The following FNBP1L variants were observed in gnomAD, a reference collection of about 807,000 sequenced individuals.
FNBP1L encodes the protein formin-binding protein 1-like.
FNBP1L carries 36 observed loss-of-function variants against 91.2 expected under a neutral mutation model. That is an observed-to-expected ratio of 0.39 (90% CI 0.30 to 0.52). FNBP1L has a LOEUF of 0.52. Ranked by LOEUF, FNBP1L falls within the 20% of genes least tolerant of loss-of-function variation. FNBP1L has a pLI of 0.66. For synonymous variants in FNBP1L, 242 were observed against 237.0 expected, an observed-to-expected ratio of 1.02 and a Z score of -0.19; for missense variants, 571 against 732.1, an observed-to-expected ratio of 0.78 and a Z score of 2.54.
intron 2 of FNBP1L, among the ~76,000 whole-genome samples, chr1:93,499,790 T>A (rs1196780513): frequency 6.6e-6 from 1 of 152,146 alleles, no homozygotes; most frequent in African/African-American, 2.4e-5. Flanking sequence ...CACAAATAGC[T>A]TTCATTCCAG....
intron 16 of FNBP1L, 69 bp from the exon 17 acceptor site, chr1:93,552,340 T>A: frequency 6.4e-7 from 1 of 1,563,982 alleles, no homozygotes; most frequent in Non-Finnish European, 8.6e-7. Context: ...CACTTTAAAC[T>A]GAACACCCCT....
At chr1:93,470,601 G>A (rs1441261516) in intron 1 of FNBP1L, among the ~76,000 whole-genome samples, 2 of 152,118 alleles carry the variant, frequency 1.3e-5, no homozygotes, top group East Asian at 3.9e-4. Flanking sequence ...GGCCAGGCAC[G>A]GTGGCTCAGA....
intron 12 of FNBP1L, among the ~76,000 whole-genome samples, chr1:93,546,492 A>C (rs974156155): frequency 2.0e-5 from 3 of 152,132 alleles, no homozygotes; most frequent in African/African-American, 7.2e-5. Flanking sequence ...CTGAGTTGGA[A>C]TATAATGAGT....
intron 2 of FNBP1L, among the ~76,000 whole-genome samples, chr1:93,512,151 A>G (rs1268924548): frequency 6.6e-6 from 1 of 152,130 alleles, no homozygotes; most frequent in Non-Finnish European, 1.5e-5. Context: ...ACTTTAAACC[A>G]ACAAAGATCA....
intron 11 of FNBP1L, among the ~76,000 whole-genome samples, chr1:93,542,010 A>T (rs1213665437): frequency 6.6e-6 from 1 of 152,142 alleles, no homozygotes; most frequent in Non-Finnish European, 1.5e-5. Context: ...AACAAAAAAA[A>T]ACTCCACAGT....
chr1:93,498,441 C>T (rs926372514), intron 1 of FNBP1L, among the ~76,000 whole-genome samples: 4 of 152,150 alleles, frequency 2.6e-5, no homozygotes, highest in South Asian at 2.1e-4. Flanking sequence ...CAGAAAGTTT[C>T]GTGGAAGAAT....
At chr1:93,524,204 T>C in intron 4 of FNBP1L, 57 bp from the exon 5 acceptor site, 1 of 1,330,626 alleles carries the variant, frequency 7.5e-7, no homozygotes, top group Non-Finnish European at 9.9e-7. Context: ...ATTATTTTTA[T>C]TTGTTTTTGT....
At chr1:93,500,436 C>T (rs933652668) in intron 2 of FNBP1L, among the ~76,000 whole-genome samples, 1 of 151,996 alleles carries the variant, frequency 6.6e-6, no homozygotes, top group African/African-American at 2.4e-5. Flanking sequence ...ATGGTCTTCT[C>T]TATTGTACCT....
Position 93,448,314 on chromosome 1 carries a change from G to T in FNBP1L, c.24+9G>T. 1 of 1,508,622 alleles carries T rather than the reference G, an allele frequency of 6.6e-7. No homozygotes were observed. The highest frequency in any genetic ancestry group is 8.9e-7 in the Non-Finnish European group (1 of 1,129,568). 93.5% of individuals were successfully genotyped at this position (1,508,622 alleles called of 1,614,324 possible). Reference sequence around the variant, plus strand: ...GGGGCACGGAGCTGTGGGTGAGTCGGGGAGAGGGGCGCCCCGCACGGACCC... The same window carrying T: ...GGGGCACGGAGCTGTGGGTGAGTCGTGGAGAGGGGCGCCCCGCACGGACCC... On this transcript the variant is annotated intron_variant, in intron 1 of 16. Transcript: ENST00000271234.
At chr1:93,515,723 C>G (rs1671075241) in intron 2 of FNBP1L, among the ~76,000 whole-genome samples, 1 of 133,124 alleles carries the variant, frequency 7.5e-6, no homozygotes, top group African/African-American at 2.9e-5. Context: ...AATGAGAACA[C>G]ATGGACACAG....
At chr1:93,480,549 TA>T (rs1433088436) in intron 1 of FNBP1L, among the ~76,000 whole-genome samples, 1 of 152,168 alleles carries the variant, frequency 6.6e-6, no homozygotes, top group African/African-American at 2.4e-5. Context: ...CTGATGACTC[TA>T]GGGGTCCTGT....
chr1:93,522,165 A>G, intron 3 of FNBP1L, 30 bp downstream of exon 3: 2 of 1,224,448 alleles, frequency 1.6e-6, no homozygotes, highest in Non-Finnish European at 2.1e-6. Flanking sequence ...ATTAATGCAT[A>G]TTAAAAAATT....
intron 2 of FNBP1L, among the ~76,000 whole-genome samples, chr1:93,503,598 G>T (rs1570810864): frequency 1.3e-5 from 2 of 152,016 alleles, no homozygotes; most frequent in East Asian, 1.9e-4. Flanking sequence ...TTGATTTTTG[G>T]TTTTGGTTTG....
intron 9 of FNBP1L, among the ~76,000 whole-genome samples, chr1:93,535,244 C>T (rs1416472576): frequency 1.3e-5 from 2 of 152,032 alleles, no homozygotes; most frequent in Non-Finnish European, 2.9e-5. Context: ...TTGGAATTCT[C>T]AAATGGAATG....
intron 1 of FNBP1L, among the ~76,000 whole-genome samples, chr1:93,475,821 T>G (rs141430673): frequency 6.6e-6 from 1 of 152,324 alleles, no homozygotes. Context: ...TTCTGTTTAC[T>G]AAAAGGAAAC....
intron 1 of FNBP1L, among the ~76,000 whole-genome samples, chr1:93,469,523 T>C (rs1467979376): frequency 1.3e-5 from 2 of 152,216 alleles, no homozygotes; most frequent in Admixed American, 6.5e-5. Context: ...GTCTTTGTTA[T>C]TGTGAATAGT....
intron 1 of FNBP1L, among the ~76,000 whole-genome samples, chr1:93,495,372 A>C (rs1483821260): frequency 6.6e-6 from 1 of 152,252 alleles, no homozygotes; most frequent in African/African-American, 2.4e-5. Context: ...TATTCTTAAC[A>C]GTAAATGTAT....
At chr1:93,449,763 A>G (rs1163703826) in intron 1 of FNBP1L, among the ~76,000 whole-genome samples, 1 of 152,226 alleles carries the variant, frequency 6.6e-6, no homozygotes, top group Non-Finnish European at 1.5e-5. Flanking sequence ...TGAATTACAT[A>G]AAGTTTAATT....
At chr1:93,474,805 T>C (rs1184132349) in intron 1 of FNBP1L, among the ~76,000 whole-genome samples, 1 of 152,204 alleles carries the variant, frequency 6.6e-6, no homozygotes, top group African/African-American at 2.4e-5. Flanking sequence ...GTTTTTAAGT[T>C]ACCTTACTAA....
Sources: allele counts gnomAD v4.1 joint callset (sites outside exome capture counted in the v4.1 genomes callset), GRCh38; gene constraint gnomAD v4.1.1; transcripts MANE v1.5; gene names NCBI Gene and HGNC (gene_info 2026-07-23, HGNC 2026-07-21).